The following MAVS variants were observed in gnomAD, a reference collection of about 807,000 sequenced individuals.
The protein encoded by MAVS is mitochondrial antiviral-signaling protein.
Under a neutral mutation model 30.2 loss-of-function variants are expected in MAVS, and 20 were observed. The observed-to-expected ratio is 0.66, with a 90% confidence interval of 0.47 to 0.96. MAVS has a LOEUF of 0.96. Ranked by LOEUF, MAVS falls within the 40% of genes least tolerant of loss-of-function variation. The pLI is 0.00. For missense variants in MAVS, 624 were observed against 701.1 expected (o/e 0.89, Z 1.24); for synonymous variants, 278 against 293.9 (o/e 0.95, Z 0.55).
rs1381385665 is a variant in MAVS, at chr20:3,874,114, C to T, written c.*7967C>T. 6 of 398,476 alleles carry T rather than the reference C, an allele frequency of 1.5e-5. 1 individual carries two copies. The South Asian group carries it at 3.8e-4, about 25-fold the overall frequency. The allele number at this position is 398,476 out of a possible 1,614,324, so 24.7% of individuals were successfully genotyped here. On this transcript the variant is annotated 3_prime_UTR_variant, in exon 7 of 7. Transcript: ENST00000428216. ...ATATGAATGAAAATATCGCTATGCACAGCAACATGGATAAATTTCACAGAC... is the reference window on the plus strand; with the variant it reads ...ATATGAATGAAAATATCGCTATGCATAGCAACATGGATAAATTTCACAGAC...
rs747007412 is a variant in MAVS, at chr20:3,864,626, C to G, written c.996C>G (p.Pro332=). ...CCAAGTTGCCAACTAGCTCAAAGCC[C>G]CCTGGTGCAGTGCCTTCTAATGCGC... ...VPSKLPTSSK[P]PGAVPSNALT... is the part of the protein sequence containing the mutation. The change falls in exon 6 of 7, where the codon CCC becomes CCG. Residue 332 remains proline, a synonymous_variant. Transcript: ENST00000428216. 8 of 1,614,206 alleles carry G rather than the reference C, an allele frequency of 5.0e-6. No homozygotes were observed. The South Asian group carries it at 8.8e-5, about 18-fold the overall frequency.
chr20:3,852,813 A>G (rs1408771502), intron 1 of MAVS, among the ~76,000 whole-genome samples: 1 of 143,016 alleles, frequency 7.0e-6, no homozygotes, highest in Non-Finnish European at 1.5e-5. Flanking sequence ...TCATCAATTC[A>G]TTTTTAGCAA....
chr20:3,864,372 G>C lies in MAVS; in HGVS notation c.742G>C (p.Val248Leu). 1.2e-6 allele frequency: 2 copies of C among 1,614,126 alleles called. No homozygotes were observed. Among genetic ancestry groups the C allele is most frequent in the Non-Finnish European group, 1.7e-6 (2 of 1,180,026 alleles). ...SRLPGPTGSVVSTGTSFSSSS... is the reference protein window; with the variant it reads ...SRLPGPTGSVLSTGTSFSSSS... ...CTTGCCTGGACCCACAGGGTCAGTT[G>C]TATCTACTGGCACCTCCTTCTCCTC... The change falls in exon 6 of 7, where the codon GTA (valine) becomes CTA (leucine). Residue 248 changes from valine to leucine, a missense_variant. Coordinates refer to ENST00000428216, the MANE Select transcript of MAVS (RefSeq NM_020746.5).
chr20:3,854,149 G>A lies in MAVS; in HGVS notation c.-67-409G>A, dbSNP rs962610036. 2.0e-5 allele frequency among the ~76,000 whole-genome samples: 3 copies of A among 151,878 alleles called. No individual in the cohort carries two copies. In the South Asian group the frequency reaches 6.2e-4, roughly 31 times the overall value. On this transcript the variant is annotated intron_variant, in intron 1 of 6. Transcript: ENST00000428216. ...TAAAACAAAACAAAAACGGCCAGGT[G>A]TGGTGGCTCACACCTGTAATCCCCA...
At chr20:3,857,936 TA>T in intron 3 of MAVS, 127 bp downstream of exon 3, 1 of 1,083,282 alleles carries the variant, frequency 9.2e-7, no homozygotes, top group East Asian at 2.5e-5. Context: ...AAGCGATGAA[TA>T]AACCTGGGTG....
Position 3,851,990 on chromosome 20 carries a change from C to CTTTTTTTTTTTTTTTT in MAVS, c.-67-2566_-67-2551dup, listed in dbSNP as rs770960832. 2.2e-4 allele frequency among the ~76,000 whole-genome samples: 18 copies of CTTTTTTTTTTTTTTTT among 80,446 alleles called. 1 individual carries two copies. Among genetic ancestry groups the CTTTTTTTTTTTTTTTT allele is most frequent in the African/African-American group, 2.0e-3 (17 of 8,462 alleles). 52.8% of individuals were successfully genotyped at this position (80,446 alleles called of 152,430 possible). A position where few individuals can be genotyped will look rare whatever the true frequency, so the allele number is the denominator to read the frequency against. ...AAAAAAAGAATGTATGTGTAGCAGGCTTTTTTTTTTTTTTTTTCCCCCGAG... is the reference window on the plus strand; with the variant it reads ...AAAAAAAGAATGTATGTGTAGCAGGCTTTTTTTTTTTTTTTTTTTTTTTTTTTTTTTTTCCCCCGAG... On this transcript the variant is annotated intron_variant, in intron 1 of 6. Coordinates refer to ENST00000428216, the MANE Select transcript of MAVS (RefSeq NM_020746.5).
In MAVS at chr20:3,866,542, G is replaced by A. The variant is rs1310721155; in HGVS notation, c.*395G>A. 3 of 334,476 alleles carry A rather than the reference G, an allele frequency of 9.0e-6. No homozygotes were observed. The highest frequency in any genetic ancestry group is 2.8e-5 in the South Asian group (1 of 36,198). 20.7% of individuals were successfully genotyped at this position (334,476 alleles called of 1,614,324 possible). A position where few individuals can be genotyped will look rare whatever the true frequency, so the allele number is the denominator to read the frequency against. On this transcript the variant is annotated 3_prime_UTR_variant, in exon 7 of 7. Transcript: ENST00000428216. ...TGGGAATGCCTCTCCTGTTGCATTG[G>A]TCCCTGAAGGCCTCAGGGCAGGTAT...
chr20:3,855,589 C>A (rs926295554), intron 2 of MAVS, among the ~76,000 whole-genome samples: 3 of 152,140 alleles, frequency 2.0e-5, no homozygotes, highest in Non-Finnish European at 4.4e-5. Context: ...CCAGAGGGTA[C>A]CTGTTGGCTC....
Position 3,870,066 on chromosome 20 carries a change from T to A in MAVS, c.*3919T>A, listed in dbSNP as rs1454701341. ...GATCTCAGGAGTCCTGTGTTGAGAG[T>A]GTGGCTTTCAGCTGCGGGGAGCTGC... On this transcript the variant is annotated 3_prime_UTR_variant, in exon 7 of 7. Coordinates refer to ENST00000428216, the MANE Select transcript of MAVS (RefSeq NM_020746.5). The A allele has an allele frequency of 6.6e-6, 1 of 152,254 alleles. No homozygotes were observed. Among genetic ancestry groups the A allele is most frequent in the Non-Finnish European group, 1.5e-5 (1 of 68,052 alleles). The allele number at this position is 152,254 out of a possible 1,614,324, so 9.4% of individuals were successfully genotyped here. A position where few individuals can be genotyped will look rare whatever the true frequency, so the allele number is the denominator to read the frequency against.
intron 6 of MAVS, 77 bp downstream of exon 6, chr20:3,864,865 C>G: frequency 1.3e-6 from 2 of 1,536,500 alleles, no homozygotes; most frequent in Non-Finnish European, 1.8e-6. Flanking sequence ...CTGGCCTTGG[C>G]CCCTTCCCAG....
At chr20:3,857,928 G>A in intron 3 of MAVS, 119 bp downstream of exon 3, 1 of 1,167,392 alleles carries the variant, frequency 8.6e-7, no homozygotes. Context: ...TCACTGTGAA[G>A]CGATGAATAA....
At position 3,875,718 on chromosome 20, in the gene MAVS, C is replaced by T. The variant is rs1036843154; in HGVS notation, c.*9571C>T. ...TGAGGCTGGACCAGTTATGTCAAAT[C>T]TGTCCTCCCCCAGAGCTCAGTCCCT... On this transcript the variant is annotated 3_prime_UTR_variant, in exon 7 of 7. Transcript: ENST00000428216. 6.6e-6 allele frequency: 1 copy of T among 152,530 alleles called. No homozygotes were observed. The highest frequency in any genetic ancestry group is 2.1e-4 in the South Asian group (1 of 4,822). The allele number at this position is 152,530 out of a possible 1,614,324, so 9.4% of individuals were successfully genotyped here.
chr20:3,854,704 T>G lies in MAVS; in HGVS notation c.80T>G (p.Ile27Ser). The G allele has an allele frequency of 1.9e-6, 3 of 1,613,884 alleles. No individual in the cohort carries two copies. The highest frequency in any genetic ancestry group is 2.5e-6 in the Non-Finnish European group (3 of 1,179,892). ...SNFCNVDVVE[I>S]LPYLPCLTAR... is the part of the protein sequence containing the mutation. ...TTTTGCAATGTGGATGTTGTAGAGA[T>G]TCTGCCTTACCTGCCCTGCCTCACA... Residue 27 changes from isoleucine to serine, a missense_variant, in exon 2 of 7, where the codon ATT becomes AGT. Ile to Ser is a moderately radical substitution (Grantham distance 142). Transcript: ENST00000428216.
At chr20:3,852,011 C>CTTTTT (rs1278577898) in intron 1 of MAVS, among the ~76,000 whole-genome samples, 869 of 47,160 alleles carry the variant, frequency 0.018, 18 homozygotes, top group Non-Finnish European at 0.026. Context: ...TTTTTTTCCC[C>CTTTTT]CGAGACGGAA....
intron 1 of MAVS, among the ~76,000 whole-genome samples, chr20:3,847,264 C>G (rs1452462765): frequency 6.6e-6 from 1 of 152,090 alleles, no homozygotes; most frequent in East Asian, 1.9e-4. Flanking sequence ...GAGCCTCGAC[C>G]GGGTGCGCCT....
chr20:3,865,569 G>A lies in MAVS; in HGVS notation c.1159-114G>A, dbSNP rs2089899555. On this transcript the variant is annotated intron_variant, in intron 6 of 6. Coordinates refer to ENST00000428216, the MANE Select transcript of MAVS (RefSeq NM_020746.5). The surrounding 1 kb of genome is among the most constrained non-coding windows in gnomAD (Gnocchi z 4.7). ...GGTGGCCTAGGGGCATTATAGATTGGGAATTGAGGGGTTGGAGTGTTAGTT... is the reference window on the plus strand; with the variant it reads ...GGTGGCCTAGGGGCATTATAGATTGAGAATTGAGGGGTTGGAGTGTTAGTT... 1.0e-6 allele frequency: 1 copy of A among 982,358 alleles called. No homozygotes were observed. The highest frequency in any genetic ancestry group is 1.6e-5 in the African/African-American group (1 of 60,740). 60.9% of individuals were successfully genotyped at this position (982,358 alleles called of 1,614,324 possible). A position where few individuals can be genotyped will look rare whatever the true frequency, so the allele number is the denominator to read the frequency against.
Position 3,864,325 on chromosome 20 carries a change from G to T in MAVS, c.695G>T (p.Arg232Leu). The change falls in exon 6 of 7, where the codon CGT becomes CTT. Residue 232 changes from arginine to leucine, a missense_variant. Transcript: ENST00000428216. Reference protein sequence around the residue: ...SPSVSFQPLARSTPRASRLPG... With the variant: ...SPSVSFQPLALSTPRASRLPG... ...TCTGTCTCCTTCCAGCCCCTGGCCCGTTCCACCCCCAGGGCAAGCCGCTTG... is the reference window on the plus strand; with the variant it reads ...TCTGTCTCCTTCCAGCCCCTGGCCCTTTCCACCCCCAGGGCAAGCCGCTTG... 1 of 1,613,866 alleles carries T rather than the reference G, an allele frequency of 6.2e-7. No homozygotes were observed. The highest frequency in any genetic ancestry group is 1.1e-5 in the South Asian group (1 of 91,074).
intron 1 of MAVS, among the ~76,000 whole-genome samples, chr20:3,852,485 G>T (rs1261952932): frequency 6.6e-6 from 1 of 152,096 alleles, no homozygotes; most frequent in Non-Finnish European, 1.5e-5. Context: ...GCAGCAGCAC[G>T]TTTAGGTATA....
At chr20:3,858,736 C>T (rs921868566) in intron 3 of MAVS, among the ~76,000 whole-genome samples, 1 of 150,794 alleles carries the variant, frequency 6.6e-6, no homozygotes, top group African/African-American at 2.4e-5. Context: ...TAGAGGTAAC[C>T]CCCGAGACCC....
Sources: gnomAD v4.1 joint callset for allele counts (sites outside exome capture counted in the v4.1 genomes callset) on GRCh38, gnomAD v4.1.1 for gene constraint, Gnocchi (gnomAD v3.1) non-coding constraint, MANE v1.5 for transcripts, NCBI Gene and HGNC (gene_info 2026-07-23, HGNC 2026-07-21) for gene names.